The following LRRTM3 variants were observed in gnomAD, a reference collection of about 807,000 sequenced individuals.
The protein encoded by LRRTM3 is leucine-rich repeat transmembrane neuronal protein 3.
Under a neutral mutation model 44.7 loss-of-function variants are expected in LRRTM3, and 24 were observed. The observed-to-expected ratio is 0.54, with a 90% CI of 0.39 to 0.76. LRRTM3 has a LOEUF of 0.76. Among genes scored for constraint, LRRTM3 ranks in the 30% least tolerant of loss-of-function variants. LRRTM3 has a pLI of 0.00. For synonymous variants in LRRTM3, 277 were observed against 278.7 expected (o/e 0.99, Z 0.06); for missense variants, 587 against 702.2 (o/e 0.84, Z 1.85).
At chr10:67,011,913 T>A (rs1244010487) in intron 2 of LRRTM3, among the ~76,000 whole-genome samples, 13 of 152,128 alleles carry the variant, frequency 8.5e-5, no homozygotes, top group Non-Finnish European at 2.9e-5. Context: ...CATAAACACC[T>A]GCCCTTGAAA....
At chr10:67,065,278 T>C (rs772976167) in intron 2 of LRRTM3, among the ~76,000 whole-genome samples, 1 of 152,200 alleles carries the variant, frequency 6.6e-6, no homozygotes, top group Non-Finnish European at 1.5e-5. Context: ...TTTGAGTCTC[T>C]GTTTCATCAT....
chr10:66,999,804 T>C (rs893646525), intron 2 of LRRTM3, among the ~76,000 whole-genome samples: 1 of 152,184 alleles, frequency 6.6e-6, no homozygotes, highest in Non-Finnish European at 1.5e-5. Flanking sequence ...TACTTGACCA[T>C]CAATTTTTCT....
chr10:67,075,170 G>GCGCACACACACA (rs111391840), intron 2 of LRRTM3, among the ~76,000 whole-genome samples: 1 of 149,640 alleles, frequency 6.7e-6, no homozygotes, highest in Non-Finnish European at 1.5e-5. Flanking sequence ...AAGGATTTCT[G>GCGCACACACACA]CACACACACA....
chr10:66,930,381 T>TA (rs1443485138), intron 2 of LRRTM3, among the ~76,000 whole-genome samples: 1 of 152,202 alleles, frequency 6.6e-6, no homozygotes, highest in African/African-American at 2.4e-5. Flanking sequence ...TGACTGAGCT[T>TA]ATTGTGATTT....
intron 2 of LRRTM3, among the ~76,000 whole-genome samples, chr10:67,011,723 A>C (rs1234758189): frequency 6.6e-6 from 1 of 152,204 alleles, no homozygotes; most frequent in Non-Finnish European, 1.5e-5. Context: ...TAAGCACTTT[A>C]TATGTATGAA....
intron 2 of LRRTM3, among the ~76,000 whole-genome samples, chr10:67,016,229 A>C (rs1852650162): frequency 6.6e-6 from 1 of 152,214 alleles, no homozygotes. Flanking sequence ...CTGACCAAGT[A>C]GTACAATGGG....
At chr10:66,952,242 T>C (rs1448512595) in intron 2 of LRRTM3, among the ~76,000 whole-genome samples, 1 of 152,300 alleles carries the variant, frequency 6.6e-6, no homozygotes, top group East Asian at 1.9e-4. Context: ...CTCATTGTAA[T>C]TGAAACTATG....
chr10:67,096,565 G>C (rs1858006742), intron 2 of LRRTM3, among the ~76,000 whole-genome samples: 1 of 151,830 alleles, frequency 6.6e-6, no homozygotes, highest in Admixed American at 6.6e-5. Flanking sequence ...ATTAAACCAA[G>C]ATCAGGACTG....
intron 2 of LRRTM3, among the ~76,000 whole-genome samples, chr10:67,091,126 CAA>C (rs1857604920): frequency 1.3e-5 from 2 of 151,854 alleles, no homozygotes; most frequent in Non-Finnish European, 2.9e-5. Flanking sequence ...CTTCATAGGA[CAA>C]AATAAACGTT....
chr10:66,936,820 T>A (rs2140384), intron 2 of LRRTM3, among the ~76,000 whole-genome samples: 1 of 151,938 alleles, frequency 6.6e-6, no homozygotes, highest in African/African-American at 2.4e-5. Context: ...GCTCCCAGAG[T>A]GAGAGCAGGA....
intron 2 of LRRTM3, among the ~76,000 whole-genome samples, chr10:67,075,966 T>C (rs547650146): frequency 6.6e-6 from 1 of 152,212 alleles, no homozygotes; most frequent in Non-Finnish European, 1.5e-5. Flanking sequence ...TTTTTCTCCA[T>C]TTTTATATAA....
chr10:67,059,231 A>T (rs1027085265), intron 2 of LRRTM3, among the ~76,000 whole-genome samples: 1 of 152,198 alleles, frequency 6.6e-6, no homozygotes, highest in Non-Finnish European at 1.5e-5. Context: ...GAGCCAGATC[A>T]CCATTTTCCA....
intron 2 of LRRTM3, among the ~76,000 whole-genome samples, chr10:66,998,823 G>A (rs2140371): frequency 1 from 151,712 of 152,252 alleles, 75,590 homozygotes; most frequent in Middle Eastern, 1. Flanking sequence ...AGTGGATTGT[G>A]GGAGATACAA....
intron 2 of LRRTM3, among the ~76,000 whole-genome samples, chr10:67,090,944 T>C (rs1194886348): frequency 6.6e-6 from 1 of 152,076 alleles, no homozygotes; most frequent in Non-Finnish European, 1.5e-5. Context: ...TCAACTGCCT[T>C]AACACTTAGA....
At chr10:67,058,963 T>A (rs1341753665) in intron 2 of LRRTM3, among the ~76,000 whole-genome samples, 1 of 152,214 alleles carries the variant, frequency 6.6e-6, no homozygotes. Context: ...CAAGAAATTA[T>A]TTTTATCATG....
At chr10:67,072,127 T>C (rs980065854) in intron 2 of LRRTM3, among the ~76,000 whole-genome samples, 2 of 152,138 alleles carry the variant, frequency 1.3e-5, no homozygotes, top group Non-Finnish European at 2.9e-5. Flanking sequence ...TAATTTTTTG[T>C]ATTTTTAGTA....
rs78440518 is a variant in LRRTM3 at position 66,952,761 on chromosome 10, G to T, written c.1536+24309G>T. Among the ~76,000 whole-genome samples the T allele has an allele frequency of 9.3e-3, 1,411 of 151,846 alleles. 12 individuals carry two copies. Among genetic ancestry groups the T allele is most frequent in the Non-Finnish European group, 0.014 (958 of 67,966 alleles). On this transcript the variant is annotated intron_variant, in intron 2 of 2. Transcript: ENST00000361320. ...TTACAGCCAGGGACTCTTCTGCTTG[G>T]TTAGTGCTTATGTCCTACTAGTTGT...
chr10:67,059,581 A>G (rs2133213726), intron 2 of LRRTM3, among the ~76,000 whole-genome samples: 1 of 152,278 alleles, frequency 6.6e-6, no homozygotes, highest in Non-Finnish European at 1.5e-5. Flanking sequence ...CTGAGTCTTA[A>G]AGGATTTTTA....
At chr10:66,978,117 A>G (rs887516552) in intron 2 of LRRTM3, among the ~76,000 whole-genome samples, 3 of 151,866 alleles carry the variant, frequency 2.0e-5, no homozygotes, top group Non-Finnish European at 4.4e-5. Context: ...TGAAAATATG[A>G]TCCTAGATAA....
Sources: gnomAD v4.1 joint callset for allele counts (sites outside exome capture counted in the v4.1 genomes callset) on GRCh38, gnomAD v4.1.1 for gene constraint, MANE v1.5 for transcripts, NCBI Gene and HGNC (gene_info 2026-07-23, HGNC 2026-07-21) for gene names.